The following PAMR1 variants were observed in gnomAD, a reference collection of about 807,000 sequenced individuals.
PAMR1 encodes the protein peptidase domain containing associated with muscle regeneration 1.
Under a neutral mutation model 81.8 loss-of-function variants are expected in PAMR1, and 88 were observed. The observed-to-expected ratio is 1.08, with a 90% CI of 0.91 to 1.28. The LOEUF is 1.28. Ranked by LOEUF, PAMR1 falls within the 50% of genes most tolerant of loss-of-function variation. PAMR1 has a pLI of 0.00. For missense variants in PAMR1, 935 were observed against 919.7 expected (o/e 1.02, Z -0.21); for synonymous variants, 336 against 345.3 (o/e 0.97, Z 0.30).
intron 7 of PAMR1, 98 bp downstream of exon 7, chr11:35,441,383 A>C: frequency 1.2e-6 from 1 of 807,846 alleles, no homozygotes; most frequent in East Asian, 2.4e-5. Flanking sequence ...TAAAAGAGAA[A>C]GGCATTTTTC....
chr11:35,526,598 A>G (rs1336697847), upstream of PAMR1, among the ~76,000 whole-genome samples: 1 of 152,248 alleles, frequency 6.6e-6, no homozygotes, highest in African/African-American at 2.4e-5. Flanking sequence ...AAACGGAACC[A>G]TTGAGGATTA....
intron 6 of PAMR1, chr11:35,453,481 C>T (rs1239060010): frequency 1.4e-5 from 2 of 146,710 alleles, no homozygotes. Flanking sequence ...CAACTACTCC[C>T]TTACCTCTCA....
chr11:35,468,913 C>T (rs1856803695), intron 5 of PAMR1, among the ~76,000 whole-genome samples: 1 of 152,204 alleles, frequency 6.6e-6, no homozygotes, highest in Non-Finnish European at 1.5e-5. Context: ...GTTCAACAAA[C>T]CTGTCTTGAG....
chr11:35,459,289 A>G (rs986157505), intron 6 of PAMR1, among the ~76,000 whole-genome samples: 1 of 152,214 alleles, frequency 6.6e-6, no homozygotes, highest in Non-Finnish European at 1.5e-5. Flanking sequence ...GTCAACTTGG[A>G]AAATTTTTGA....
intron 6 of PAMR1, among the ~76,000 whole-genome samples, chr11:35,456,723 T>TCAAACCCTTCAGTTTGAA (rs1856540657): frequency 6.6e-6 from 1 of 152,172 alleles, no homozygotes; most frequent in African/African-American, 2.4e-5. Flanking sequence ...ATAGCATGTT[T>TCAAACCCTTCAGTTTGAA]CAAACCCTTC....
chr11:35,463,368 C>T (rs867756190), intron 6 of PAMR1, among the ~76,000 whole-genome samples: 2 of 152,172 alleles, frequency 1.3e-5, no homozygotes, highest in Non-Finnish European at 2.9e-5. Context: ...GAGCATTGTG[C>T]CCCAAGAGTT....
At chr11:35,513,119 A>G (rs1273972436) in intron 1 of PAMR1, among the ~76,000 whole-genome samples, 1 of 152,272 alleles carries the variant, frequency 6.6e-6, no homozygotes, top group Non-Finnish European at 1.5e-5. Context: ...CTCTGCTTCC[A>G]ATAGTGACAC....
At chr11:35,447,686 G>A (rs536764717) in intron 6 of PAMR1, among the ~76,000 whole-genome samples, 1 of 152,224 alleles carries the variant, frequency 6.6e-6, no homozygotes, top group East Asian at 1.9e-4. Flanking sequence ...TCCTGTCATC[G>A]TGATGCTCGC....
chr11:35,501,588 A>G (rs958829304), intron 1 of PAMR1, among the ~76,000 whole-genome samples: 2 of 151,714 alleles, frequency 1.3e-5, no homozygotes. Context: ...TACTTTTTAA[A>G]CTTATTTCTT....
chr11:35,434,462 G>A, intron 10 of PAMR1, 50 bp downstream of exon 10: 8 of 1,568,972 alleles, frequency 5.1e-6, no homozygotes, highest in Non-Finnish European at 7.0e-6. Context: ...CCCGTGCTTG[G>A]AGTTTTTTTG....
At chr11:35,456,486 C>A (rs1856535819) in intron 6 of PAMR1, among the ~76,000 whole-genome samples, 1 of 152,134 alleles carries the variant, frequency 6.6e-6, no homozygotes, top group Non-Finnish European at 1.5e-5. Context: ...TGAGAATAAT[C>A]ATTGGAGATT....
At chr11:35,497,071 G>A (rs1215347690) in intron 1 of PAMR1, among the ~76,000 whole-genome samples, 2 of 152,162 alleles carry the variant, frequency 1.3e-5, no homozygotes, top group African/African-American at 4.8e-5. Context: ...GGAGGCTGAG[G>A]CACGAGAATC....
At chr11:35,452,052 A>C (rs1244716115) in intron 6 of PAMR1, 2 of 458,266 alleles carry the variant, frequency 4.4e-6, no homozygotes, top group African/African-American at 4.0e-5. Flanking sequence ...AATACAGACA[A>C]TAGAAACACA....
At chr11:35,455,060 T>C (rs891441723) in intron 6 of PAMR1, among the ~76,000 whole-genome samples, 4 of 152,224 alleles carry the variant, frequency 2.6e-5, no homozygotes, top group African/African-American at 9.6e-5. Flanking sequence ...TTCATGAGCC[T>C]GAATTACAGG....
At chr11:35,433,009 T>C in intron 10 of PAMR1, 117 bp from the exon 11 acceptor site, 1 of 823,272 alleles carries the variant, frequency 1.2e-6, no homozygotes, top group Admixed American at 3.0e-5. Flanking sequence ...GCTACAATTA[T>C]TTGGAGATAC....
chr11:35,504,656 A>G (rs1374934824), intron 1 of PAMR1, among the ~76,000 whole-genome samples: 2 of 151,872 alleles, frequency 1.3e-5, no homozygotes, highest in African/African-American at 2.4e-5. Flanking sequence ...AGGTTTTCCA[A>G]TTTGTTGGAT....
At chr11:35,471,613 T>G (rs1413732505) in intron 4 of PAMR1, among the ~76,000 whole-genome samples, 1 of 152,122 alleles carries the variant, frequency 6.6e-6, no homozygotes, top group Non-Finnish European at 1.5e-5. Context: ...GTAGAGAAAG[T>G]AGCACCAAGT....
intron 3 of PAMR1, among the ~76,000 whole-genome samples, chr11:35,489,695 T>C (rs1292691018): frequency 6.6e-6 from 1 of 152,214 alleles, no homozygotes; most frequent in East Asian, 1.9e-4. Context: ...ACCTTGCATT[T>C]TCACACCCTG....
upstream of PAMR1, among the ~76,000 whole-genome samples, chr11:35,529,187 G>A (rs548580124): frequency 6.6e-6 from 1 of 152,202 alleles, no homozygotes; most frequent in East Asian, 1.9e-4. Context: ...TTGAGATGGG[G>A]TTTTTTGAGG....
Sources: allele counts gnomAD v4.1 joint callset (sites outside exome capture counted in the v4.1 genomes callset), GRCh38; gene constraint gnomAD v4.1.1; transcripts MANE v1.5; gene names NCBI Gene and HGNC (gene_info 2026-07-23, HGNC 2026-07-21).